The following AKAP13 variants were observed in gnomAD, a reference collection of about 807,000 sequenced individuals.
AKAP13 encodes the protein A-kinase anchoring protein 13.
In AKAP13, 80 loss-of-function variants were observed where a neutral mutation model predicts 264.5. The observed-to-expected ratio is 0.30, with a 90% confidence interval of 0.25 to 0.36. The LOEUF is 0.36. AKAP13 is among the 10% of genes least tolerant of loss of function. AKAP13 has a pLI of 1.00. For synonymous variants in AKAP13, 1,380 were observed against 1,250.2 expected (o/e 1.10, Z -2.19); for missense variants, 3,712 against 3,435.2 (o/e 1.08, Z -2.01).
Position 85,579,155 on chromosome 15 carries a change from G to A in AKAP13, c.1087G>A (p.Glu363Lys), listed in dbSNP as rs2151305813. Residue 363 changes from glutamate to lysine, a missense_variant, in exon 7 of 37, where the codon GAG becomes AAG. Glu to Lys is a moderately conservative substitution (Grantham distance 56, BLOSUM62 1). Around this residue, in one of 3 missense-constraint regions of AKAP13, gnomAD observed 2,759 missense variants for 2,411.7 expected, o/e 1.14. Transcript: ENST00000394518. ...PCDLSSIVEE[E>K]NTDRSCRKKN... The stretch of plus-strand genomic sequence containing the variant: ...TGATTTGTCAAGCATAGTTGAGGAG[G>A]AGAATACAGACCGTTCCTGTAGGAA... 2 of 1,614,154 alleles carry A rather than the reference G, an allele frequency of 1.2e-6. No individual in the cohort carries two copies. The highest frequency in any genetic ancestry group is 2.2e-5 in the East Asian group (1 of 44,880).
At chr15:85,478,635 T>C (rs1266676777) in intron 1 of AKAP13, among the ~76,000 whole-genome samples, 2 of 152,186 alleles carry the variant, frequency 1.3e-5, no homozygotes, top group Non-Finnish European at 2.9e-5. Flanking sequence ...TCTTTTGTTT[T>C]ACTGTTGAAT....
chr15:85,540,619 C>G (rs1322843501), intron 4 of AKAP13, among the ~76,000 whole-genome samples: 1 of 152,168 alleles, frequency 6.6e-6, no homozygotes, highest in East Asian at 1.9e-4. Context: ...GAGATTGATC[C>G]TAAATGATTG....
intron 10 of AKAP13, among the ~76,000 whole-genome samples, chr15:85,652,192 G>A (rs986738095): frequency 4.6e-4 from 70 of 152,210 alleles, no homozygotes; most frequent in African/African-American, 1.7e-3. Context: ...TTTTTAAAAT[G>A]TGTATAAACA....
At chr15:85,401,216 T>G (rs2071406872) in intron 1 of AKAP13, among the ~76,000 whole-genome samples, 1 of 152,188 alleles carries the variant, frequency 6.6e-6, no homozygotes, top group East Asian at 1.9e-4. Context: ...AATAAAGTCT[T>G]GGAACATGTA....
intron 1 of AKAP13, among the ~76,000 whole-genome samples, chr15:85,404,124 G>T (rs181280415): frequency 1.8e-4 from 27 of 152,300 alleles, no homozygotes; most frequent in African/African-American, 6.3e-4. Context: ...CACATCATCA[G>T]AAATCATTAG....
intron 17 of AKAP13, 78 bp from the exon 18 acceptor site, chr15:85,707,941 C>G (rs894158780): frequency 1.4e-6 from 2 of 1,465,512 alleles, no homozygotes; most frequent in Non-Finnish European, 9.5e-7. Flanking sequence ...TCAGAGGCCA[C>G]TTGTGGCAGC....
At chr15:85,706,225 TGCCAGCTGCAAGTCCTGG>T (rs1312700479) in intron 17 of AKAP13, among the ~76,000 whole-genome samples, 1 of 152,056 alleles carries the variant, frequency 6.6e-6, no homozygotes, top group African/African-American at 2.4e-5. Flanking sequence ...GAAAGGAGCA[TGCCAGCTGCAAGTCCTGG>T]GCATCTCTGT....
intron 1 of AKAP13, among the ~76,000 whole-genome samples, chr15:85,403,577 A>G (rs1403915839): frequency 6.6e-6 from 1 of 152,168 alleles, no homozygotes; most frequent in East Asian, 1.9e-4. Flanking sequence ...GCAGTGGCTC[A>G]TGCCTGTAAT....
chr15:85,590,542 C>G (rs1451067543), intron 8 of AKAP13, among the ~76,000 whole-genome samples: 1 of 152,210 alleles, frequency 6.6e-6, no homozygotes, highest in Admixed American at 6.5e-5. Flanking sequence ...TAGACAGTAT[C>G]TGCATTCGTT....
In AKAP13 at chr15:85,746,015, G is replaced by A. The variant is rs1040923883; in HGVS notation, c.*1338G>A. The A allele has an allele frequency of 6.6e-6, 1 of 152,292 alleles. No homozygotes were observed. Among genetic ancestry groups the A allele is most frequent in the Non-Finnish European group, 1.5e-5 (1 of 68,102 alleles). 9.4% of individuals were successfully genotyped at this position (152,292 alleles called of 1,614,324 possible). A position where few individuals can be genotyped will look rare whatever the true frequency, so the allele number is the denominator to read the frequency against. On this transcript the variant is annotated 3_prime_UTR_variant, in exon 37 of 37. Transcript: ENST00000394518. ...GTTCACTTGAGGCTTTCCCCAGCTG[G>A]TGTGTGCAGGACAGTTCATGGTAAT...
chr15:85,513,292 T>C (rs1021456226), intron 2 of AKAP13, among the ~76,000 whole-genome samples: 8 of 152,156 alleles, frequency 5.3e-5, no homozygotes, highest in African/African-American at 1.9e-4. Context: ...ACATCTGTAT[T>C]GATAGGGCTT....
At chr15:85,601,744 C>T (rs1245489115) in intron 8 of AKAP13, among the ~76,000 whole-genome samples, 2 of 151,538 alleles carry the variant, frequency 1.3e-5, no homozygotes, top group African/African-American at 4.9e-5. Context: ...TTAAGAGCCC[C>T]AAAGAGCTTT....
At chr15:85,668,858 G>A (rs969094267) in intron 13 of AKAP13, among the ~76,000 whole-genome samples, 1 of 152,036 alleles carries the variant, frequency 6.6e-6, no homozygotes, top group African/African-American at 2.4e-5. Flanking sequence ...CGGGAGAATC[G>A]CTTGAACCTG....
At chr15:85,405,907 T>A (rs2071639574) in intron 1 of AKAP13, among the ~76,000 whole-genome samples, 1 of 151,904 alleles carries the variant, frequency 6.6e-6, no homozygotes, top group South Asian at 2.1e-4. Context: ...TAGAGTACAC[T>A]GGTGATCACA....
intron 1 of AKAP13, among the ~76,000 whole-genome samples, chr15:85,428,986 T>G (rs1236014984): frequency 4.6e-5 from 7 of 152,218 alleles, no homozygotes; most frequent in African/African-American, 1.2e-4. Flanking sequence ...TATAGTGGTG[T>G]TCTTACCCCA....
chr15:85,653,784 C>T (rs538229774), intron 10 of AKAP13, among the ~76,000 whole-genome samples: 32 of 152,264 alleles, frequency 2.1e-4, no homozygotes, highest in African/African-American at 7.5e-4. Flanking sequence ...TGCCCCCATC[C>T]CGTAAGAGTG....
rs753498004 is a variant in AKAP13, at chr15:85,735,131, T to G, written c.7422T>G (p.His2474Gln). The G allele has an allele frequency of 6.3e-5, 102 of 1,613,864 alleles. No homozygotes were observed. Among genetic ancestry groups the G allele is most frequent in the Middle Eastern group, 4.9e-4 (3 of 6,074 alleles). ...AGACCTTTGGAGGATTTGACAGCCATCAGATGAATGCTTCAAAAGGTAAAT... is the reference window on the plus strand; with the variant it reads ...AGACCTTTGGAGGATTTGACAGCCAGCAGATGAATGCTTCAAAAGGTAAAT... Reference protein sequence around the residue: ...RAETFGGFDSHQMNASKGGEK... With the variant: ...RAETFGGFDSQQMNASKGGEK... Residue 2474 changes from histidine (H) to glutamine (Q), a missense_variant, in exon 31 of 37, where the codon CAT becomes CAG. His to Gln is a conservative substitution (Grantham distance 24). Transcript: ENST00000394518.
At position 85,746,800 on chromosome 15, in the gene AKAP13, G is replaced by GGGCAGTACT. The variant is rs2089381087; in HGVS notation, c.*2125_*2133dup. On this transcript the variant is annotated 3_prime_UTR_variant, in exon 37 of 37. Coordinates refer to ENST00000394518, the MANE Select transcript of AKAP13 (RefSeq NM_007200.5). ...AGTTCCCCTCCTGGGATTTGCAGGA[G>GGGCAGTACT]GGCAGTACTGAACCTGCATTCTTCT... The GGGCAGTACT allele has an allele frequency of 6.6e-6, 1 of 152,224 alleles. No individual in the cohort carries two copies. The highest frequency in any genetic ancestry group is 1.5e-5 in the Non-Finnish European group (1 of 68,068). 9.4% of individuals were successfully genotyped at this position (152,224 alleles called of 1,614,324 possible). A position where few individuals can be genotyped will look rare whatever the true frequency, so the allele number is the denominator to read the frequency against.
intron 1 of AKAP13, among the ~76,000 whole-genome samples, chr15:85,442,526 A>ATATATAATATATATTATATATAT (rs1555430023): frequency 5.5e-4 from 60 of 109,960 alleles, no homozygotes; most frequent in Non-Finnish European, 7.5e-4. Flanking sequence ...ATATTATATT[A>ATATATAATATATATTATATATAT]TATATAATAT....
Sources: allele counts gnomAD v4.1 joint callset (sites outside exome capture counted in the v4.1 genomes callset), GRCh38; gene constraint gnomAD v4.1.1; regional missense constraint gnomAD v4.1.1; transcripts MANE v1.5; gene names NCBI Gene and HGNC (gene_info 2026-07-23, HGNC 2026-07-21).